Variants in TMEM268 observed in about 807,000 individuals in gnomAD.
The protein encoded by TMEM268 is transmembrane protein 268.
In TMEM268, 24 loss-of-function variants were observed where a neutral mutation model predicts 39.1. That is an observed-to-expected ratio of 0.61 (90% CI 0.44 to 0.86). The LOEUF (loss-of-function observed/expected upper bound fraction) is 0.86. TMEM268 is among the 40% of genes least tolerant of loss of function. The pLI, the probability that TMEM268 is intolerant of heterozygous loss-of-function variation, is 0.00. For synonymous variants in TMEM268, 176 were observed against 173.5 expected (o/e 1.01, Z -0.12); for missense variants, 409 against 428.6 (o/e 0.95, Z 0.40).
intron 4 of TMEM268, among the ~76,000 whole-genome samples, chr9:114,627,550 G>A (rs894506017): frequency 6.6e-6 from 1 of 152,152 alleles, no homozygotes; most frequent in Non-Finnish European, 1.5e-5. Context: ...ATTTGCTGCT[G>A]TTTTGTATGT....
At chr9:114,605,273 C>T in the TMEM268 span, among the ~76,000 whole-genome samples, 1 of 152,304 alleles carries the variant, frequency 6.6e-6, no homozygotes, top group East Asian at 1.9e-4. Context: ...GATCTCACAT[C>T]ACTTCAGTGG....
At chr9:114,605,251 C>T in the TMEM268 span, among the ~76,000 whole-genome samples, 5 of 152,140 alleles carry the variant, frequency 3.3e-5, no homozygotes, top group South Asian at 2.1e-4. Flanking sequence ...GAGTGTTTTT[C>T]TCTTGTCAAC....
chr9:114,611,613 T>G (rs951819464), intron 1 of TMEM268, 49 bp downstream of exon 1: 1 of 153,840 alleles, frequency 6.5e-6, no homozygotes, highest in African/African-American at 2.4e-5. Flanking sequence ...CGATCCGGGC[T>G]TGGTGCTGTG....
At position 114,628,086 on chromosome 9, in the gene TMEM268, T is replaced by C; in HGVS notation, c.325-15T>C. 1 of 1,612,200 alleles carries C rather than the reference T, an allele frequency of 6.2e-7. No individual in the cohort carries two copies. The highest frequency in any genetic ancestry group is 1.7e-5 in the Admixed American group (1 of 59,998). On this transcript the variant is annotated splice_polypyrimidine_tract_variant and intron_variant, in intron 4 of 8. Transcript: ENST00000288502. ...CTGAAGTTCCTGACCATGCTCTCTG[T>C]CTGGCATCTTGCAGGTTTTCTATGT...
At position 114,645,911 on chromosome 9, in the gene TMEM268, G is replaced by T. The variant is rs78514013; in HGVS notation, c.*2598G>T. ...ACTTTACAGGGTTGCTGTGAAGATCGCATACTACACACAGGAATGCTCATC... is the reference window on the plus strand; with the variant it reads ...ACTTTACAGGGTTGCTGTGAAGATCTCATACTACACACAGGAATGCTCATC... On this transcript the variant is annotated 3_prime_UTR_variant, in exon 9 of 9. Coordinates refer to ENST00000288502, the MANE Select transcript of TMEM268 (RefSeq NM_153045.4). The T allele has an allele frequency of 1.3e-5, 2 of 151,920 alleles. No homozygotes were observed. Among genetic ancestry groups the T allele is most frequent in the Admixed American group, 6.6e-5 (1 of 15,256 alleles). The allele number at this position is 151,920 out of a possible 1,614,324, so 9.4% of individuals were successfully genotyped here. A position where few individuals can be genotyped will look rare whatever the true frequency, so the allele number is the denominator to read the frequency against.
chr9:114,622,417 A>G (rs537161988), intron 2 of TMEM268: 1 of 985,280 alleles, frequency 1.0e-6, no homozygotes, highest in African/African-American at 1.7e-5. Context: ...CTGGCTGCTG[A>G]CCAGTGGCTC....
intron 3 of TMEM268, among the ~76,000 whole-genome samples, chr9:114,624,823 A>G (rs1425260315): frequency 6.6e-6 from 1 of 152,270 alleles, no homozygotes; most frequent in Non-Finnish European, 1.5e-5. Context: ...CAGTGAAGAC[A>G]TTCACAGGAG....
upstream of TMEM268, among the ~76,000 whole-genome samples, chr9:114,606,875 C>T (rs12345792): frequency 2.0e-5 from 3 of 150,412 alleles, no homozygotes; most frequent in African/African-American, 7.3e-5. Context: ...AAAAAAAAAC[C>T]AAAAAACACC....
At position 114,643,899 on chromosome 9, in the gene TMEM268, G is replaced by A. The variant is rs2133733461; in HGVS notation, c.*586G>A. 1 of 152,490 alleles carries A rather than the reference G, an allele frequency of 6.6e-6. No homozygotes were observed. The highest frequency in any genetic ancestry group is 1.9e-4 in the East Asian group (1 of 5,186). The allele number at this position is 152,490 out of a possible 1,614,324, so 9.4% of individuals were successfully genotyped here. ...TATTTTGTGAAAAGCAGTGGTATGT[G>A]TACGTGTTGTCTACCAGTACACAGG... On this transcript the variant is annotated 3_prime_UTR_variant, in exon 9 of 9. Coordinates refer to ENST00000288502, the MANE Select transcript of TMEM268 (RefSeq NM_153045.4).
chr9:114,643,146 C>T lies in TMEM268; in HGVS notation c.862C>T (p.Gln288Ter). 2 of 1,614,154 alleles carry T rather than the reference C, an allele frequency of 1.2e-6. No homozygotes were observed. The highest frequency in any genetic ancestry group is 2.2e-5 in the East Asian group (1 of 44,884). The change falls in exon 9 of 9, where the codon CAG (glutamine) becomes TAG (stop). Residue 288 changes from glutamine to a stop codon, truncating the protein, a stop_gained. Transcript: ENST00000288502. LOFTEE classifies it high-confidence loss of function. ...CTGCCTCTTCTAGGAAATGGCCCGCCAGCTGCTGGCAGTGTTTGGCGGCTA... is the reference window on the plus strand; with the variant it reads ...CTGCCTCTTCTAGGAAATGGCCCGCTAGCTGCTGGCAGTGTTTGGCGGCTA... ...PEAEPEEMAR[Q>*]LLAVFGGYYI...
At chr9:114,614,741 G>A (rs1177638805) in intron 1 of TMEM268, among the ~76,000 whole-genome samples, 1 of 152,106 alleles carries the variant, frequency 6.6e-6, no homozygotes, top group East Asian at 1.9e-4. Context: ...GTCATCCCAG[G>A]GGACATAAGC....
chr9:114,628,323 T>C, intron 5 of TMEM268, 73 bp downstream of exon 5: 7 of 1,543,738 alleles, frequency 4.5e-6, no homozygotes, highest in East Asian at 2.3e-5. Flanking sequence ...GATTTTTCCC[T>C]TTTGCCTCCC....
chr9:114,631,133 G>C (rs984289701), intron 5 of TMEM268, among the ~76,000 whole-genome samples: 65 of 152,206 alleles, frequency 4.3e-4, no homozygotes, highest in Non-Finnish European at 6.5e-4. Context: ...AGGCAACATT[G>C]TGAGACTCTG....
At chr9:114,638,082 C>T (rs924539155) in intron 7 of TMEM268, among the ~76,000 whole-genome samples, 1 of 152,214 alleles carries the variant, frequency 6.6e-6, no homozygotes, top group African/African-American at 2.4e-5. Context: ...TGCTGTGTCA[C>T]CCAGGCTGGA....
chr9:114,643,061 CCCCTGGTGCCTAAG>C lies in TMEM268; in HGVS notation c.850-68_850-55del, dbSNP rs572815788. The C allele has an allele frequency of 2.0e-4, 290 of 1,486,704 alleles. 4 individuals are homozygous for C. The Admixed American group carries it at 4.8e-3, about 25-fold the overall frequency. The allele number at this position is 1,486,704 out of a possible 1,614,324, so 92.1% of individuals were successfully genotyped here. On this transcript the variant is annotated intron_variant, in intron 8 of 8. Coordinates refer to ENST00000288502, the MANE Select transcript of TMEM268 (RefSeq NM_153045.4). ...AGGGGCAAGAAAGCAGCATGTCCTTCCCCTGGTGCCTAAGCCCTTTTTCCTCAAGGGGCTCCCCT... is the reference window on the plus strand; with the variant it reads ...AGGGGCAAGAAAGCAGCATGTCCTTCCCCTTTTTCCTCAAGGGGCTCCCCT...
At chr9:114,630,132 C>G (rs1412810937) in intron 5 of TMEM268, among the ~76,000 whole-genome samples, 1 of 152,208 alleles carries the variant, frequency 6.6e-6, no homozygotes, top group East Asian at 1.9e-4. Context: ...TCTGTCTCTT[C>G]TTTCCTCCTT....
At chr9:114,606,394 A>T (rs1845366154), upstream of TMEM268, among the ~76,000 whole-genome samples, 1 of 152,196 alleles carries the variant, frequency 6.6e-6, no homozygotes, top group Admixed American at 6.5e-5. Flanking sequence ...TTTAGTCCCA[A>T]GCTCTCACGT....
Position 114,643,386 on chromosome 9 carries a change from A to C in TMEM268, c.*73A>C. ...AGGCTTCAGGAGCCCAAGATGGCCA[A>C]TGGGGAGCCCCAGGTGAGGAGAGAA... is the stretch of plus-strand genomic sequence containing the variant. On this transcript the variant is annotated 3_prime_UTR_variant, in exon 9 of 9. Coordinates refer to ENST00000288502, the MANE Select transcript of TMEM268 (RefSeq NM_153045.4). 3 of 1,392,480 alleles carry C rather than the reference A, an allele frequency of 2.2e-6. No individual in the cohort carries two copies. The highest frequency in any genetic ancestry group is 2.0e-6 in the Non-Finnish European group (2 of 992,170). The allele number at this position is 1,392,480 out of a possible 1,614,324, so 86.3% of individuals were successfully genotyped here.
upstream of TMEM268, among the ~76,000 whole-genome samples, chr9:114,607,797 G>T (rs1451113334): frequency 2.6e-5 from 4 of 152,210 alleles, no homozygotes; most frequent in Admixed American, 6.5e-5. Context: ...CCGAGAATGA[G>T]TTGGTTCGTC....
Sources: gnomAD v4.1 joint callset for allele counts (sites outside exome capture counted in the v4.1 genomes callset) on GRCh38, gnomAD v4.1.1 for gene constraint, MANE v1.5 for transcripts, NCBI Gene and HGNC (gene_info 2026-07-23, HGNC 2026-07-21) for gene names.